The following GPC6 variants were observed in gnomAD, a reference collection of about 807,000 sequenced individuals.
GPC6 encodes glypican-6.
Under a neutral mutation model 55.2 loss-of-function variants are expected in GPC6, and 14 were observed. The observed-to-expected ratio is 0.25, with a 90% CI of 0.17 to 0.40. The LOEUF (loss-of-function observed/expected upper bound fraction) is 0.40, where lower values mean the gene tolerates loss of function less well. Among genes scored for constraint, GPC6 ranks in the 10% least tolerant of loss-of-function variants. GPC6 has a pLI of 1.00. For synonymous variants in GPC6, 278 were observed against 259.6 expected, an observed-to-expected ratio of 1.07 and a Z score of -0.68; for missense variants, 641 against 708.5, an observed-to-expected ratio of 0.90 and a Z score of 1.08.
At chr13:93,806,480 G>A (rs1886546200) in intron 2 of GPC6, among the ~76,000 whole-genome samples, 1 of 152,126 alleles carries the variant, frequency 6.6e-6, no homozygotes, top group African/African-American at 2.4e-5. Context: ...TGGGATTAAA[G>A]GTGTACATAC....
intron 1 of GPC6, among the ~76,000 whole-genome samples, chr13:93,442,078 A>T (rs1320245494): frequency 6.6e-6 from 1 of 152,184 alleles, no homozygotes; most frequent in Non-Finnish European, 1.5e-5. Context: ...ACATGAATTC[A>T]CTTTGACTTT....
intron 4 of GPC6, among the ~76,000 whole-genome samples, chr13:94,153,228 T>C (rs1887807592): frequency 6.6e-6 from 1 of 152,108 alleles, no homozygotes; most frequent in South Asian, 2.1e-4. Context: ...ACATAGCTCT[T>C]CATGCGAGTC....
At chr13:94,376,670 G>T (rs1161001167) in intron 6 of GPC6, among the ~76,000 whole-genome samples, 3 of 152,056 alleles carry the variant, frequency 2.0e-5, no homozygotes, top group African/African-American at 7.2e-5. Flanking sequence ...AGCTACCAAT[G>T]ACTTCCTTCA....
intron 1 of GPC6, among the ~76,000 whole-genome samples, chr13:93,532,289 G>A (rs1314882002): frequency 1.3e-5 from 2 of 151,984 alleles, no homozygotes; most frequent in African/African-American, 4.8e-5. Flanking sequence ...TTTAAAAATT[G>A]GTGCTGAGAA....
At chr13:93,475,017 G>C (rs1437081606) in intron 1 of GPC6, among the ~76,000 whole-genome samples, 1 of 152,184 alleles carries the variant, frequency 6.6e-6, no homozygotes, top group East Asian at 1.9e-4. Context: ...GTGGTGGCAT[G>C]TGCCTATAAT....
At chr13:94,377,935 C>G (rs1280667051) in intron 6 of GPC6, among the ~76,000 whole-genome samples, 1 of 152,064 alleles carries the variant, frequency 6.6e-6, no homozygotes, top group Non-Finnish European at 1.5e-5. Flanking sequence ...TCTCAGTAAA[C>G]TATCACAAGA....
At chr13:94,236,053 T>C (rs1890869340) in intron 4 of GPC6, among the ~76,000 whole-genome samples, 1 of 152,166 alleles carries the variant, frequency 6.6e-6, no homozygotes, top group Non-Finnish European at 1.5e-5. Flanking sequence ...CTTATTAAAC[T>C]ATTAGTTTGG....
At chr13:94,113,957 G>C (rs1886336588) in intron 4 of GPC6, among the ~76,000 whole-genome samples, 1 of 148,722 alleles carries the variant, frequency 6.7e-6, no homozygotes. Flanking sequence ...GGGAGACAGA[G>C]GTTGCAGTGA....
At chr13:94,027,277 T>A (rs372859220) in intron 3 of GPC6, among the ~76,000 whole-genome samples, 1 of 152,284 alleles carries the variant, frequency 6.6e-6, no homozygotes, top group African/African-American at 2.4e-5. Flanking sequence ...CTTAGAGATC[T>A]CAGACAAGTT....
At chr13:93,810,534 T>G (rs1326497496) in intron 2 of GPC6, among the ~76,000 whole-genome samples, 1 of 152,148 alleles carries the variant, frequency 6.6e-6, no homozygotes, top group Non-Finnish European at 1.5e-5. Flanking sequence ...AGGGATGACA[T>G]TTTCTTGTGG....
chr13:94,286,463 T>G lies in GPC6; in HGVS notation c.992T>G (p.Met331Arg). The G allele has an allele frequency of 6.2e-7, 1 of 1,613,616 alleles. No homozygotes were observed. The highest frequency in any genetic ancestry group is 8.5e-7 in the Non-Finnish European group (1 of 1,179,616). ...EAIMNMQENS[M>R]QVSAKVFQGC... ...ATTATGAACATGCAAGAAAACAGCATGCAGGTGTCTGCAAAGGTATTTGCA... is the reference window on the plus strand; with the variant it reads ...ATTATGAACATGCAAGAAAACAGCAGGCAGGTGTCTGCAAAGGTATTTGCA... The change falls in exon 5 of 9, where the codon ATG becomes AGG. Residue 331 changes from methionine to arginine, a missense_variant. Met to Arg is a moderately conservative substitution (Grantham distance 91, BLOSUM62 -1). Coordinates refer to ENST00000377047, the MANE Select transcript of GPC6 (RefSeq NM_005708.5).
intron 3 of GPC6, among the ~76,000 whole-genome samples, chr13:93,941,926 T>C (rs1473396717): frequency 6.6e-6 from 1 of 152,198 alleles, no homozygotes; most frequent in Non-Finnish European, 1.5e-5. Context: ...GAGGATAATA[T>C]CAATTTTGAC....
At chr13:94,108,567 G>A (rs1886134713) in intron 4 of GPC6, among the ~76,000 whole-genome samples, 1 of 152,190 alleles carries the variant, frequency 6.6e-6, no homozygotes, top group Non-Finnish European at 1.5e-5. Flanking sequence ...GGTACCAGGT[G>A]CAGTGGCTGA....
At chr13:93,705,898 A>C (rs1032512279) in intron 2 of GPC6, among the ~76,000 whole-genome samples, 1 of 148,894 alleles carries the variant, frequency 6.7e-6, no homozygotes, top group African/African-American at 2.5e-5. Context: ...TCTTGTAATT[A>C]TGTAATTTAA....
At chr13:93,905,904 G>A (rs1482529255) in intron 3 of GPC6, among the ~76,000 whole-genome samples, 4 of 152,198 alleles carry the variant, frequency 2.6e-5, no homozygotes, top group Non-Finnish European at 5.9e-5. Flanking sequence ...ATGAATGGTG[G>A]TGCTACAAGT....
intron 1 of GPC6, among the ~76,000 whole-genome samples, chr13:93,305,119 G>A (rs1213207752): frequency 6.6e-6 from 1 of 152,116 alleles, no homozygotes; most frequent in Non-Finnish European, 1.5e-5. Flanking sequence ...AACACGGCCT[G>A]CCCATCAGAC....
intron 3 of GPC6, among the ~76,000 whole-genome samples, chr13:93,952,854 G>GTA (rs558333691): frequency 1.4e-5 from 2 of 144,206 alleles, no homozygotes; most frequent in African/African-American, 5.1e-5. Context: ...ATATATATAC[G>GTA]TATATATATG....
At chr13:93,527,842 A>C (rs963538005) in intron 1 of GPC6, among the ~76,000 whole-genome samples, 2 of 152,098 alleles carry the variant, frequency 1.3e-5, no homozygotes, top group African/African-American at 4.8e-5. Flanking sequence ...AAAAGGTTAG[A>C]TATTATGGAG....
chr13:93,928,943 A>C (rs1475945345), intron 3 of GPC6, among the ~76,000 whole-genome samples: 1 of 151,966 alleles, frequency 6.6e-6, no homozygotes, highest in Non-Finnish European at 1.5e-5. Flanking sequence ...TAGATATTTA[A>C]AGTACAAGTA....
Sources: allele counts gnomAD v4.1 joint callset (sites outside exome capture counted in the v4.1 genomes callset), GRCh38; gene constraint gnomAD v4.1.1; transcripts MANE v1.5; gene names NCBI Gene and HGNC (gene_info 2026-07-23, HGNC 2026-07-21).